NCOA3: variants seen among roughly 807,000 people sequenced by gnomAD.
NCOA3 encodes CBP-interacting protein.
NCOA3 carries 51 observed loss-of-function variants against 158.8 expected under a neutral mutation model. The ratio of observed to expected loss-of-function variants is 0.32; its 90% confidence interval spans 0.26 to 0.41. NCOA3 has a LOEUF of 0.41. NCOA3 is among the 10% of genes least tolerant of loss of function. The pLI is 1.00. For synonymous variants in NCOA3, 537 were observed against 592.4 expected (o/e 0.91, Z 1.36); for missense variants, 1,510 against 1,746.6 (o/e 0.86, Z 2.41).
rs897086940 is a variant in NCOA3, at chr20:47,656,121, C to T, written c.*2704C>T. On this transcript the variant is annotated 3_prime_UTR_variant, in exon 23 of 23. Coordinates refer to ENST00000371998, the MANE Select transcript of NCOA3 (RefSeq NM_181659.3). ...TTTAGAATGTGGGATATTTCCAGTA[C>T]CTACTTTTTTTTTTTTTTTTTGCTG... The T allele has an allele frequency of 1.4e-5, 2 of 142,320 alleles. No individual in the cohort carries two copies. Among genetic ancestry groups the T allele is most frequent in the Non-Finnish European group, 3.0e-5 (2 of 65,700 alleles). The allele number at this position is 142,320 out of a possible 1,614,324, so 8.8% of individuals were successfully genotyped here.
chr20:47,619,578 G>A (rs1310441721), intron 2 of NCOA3, among the ~76,000 whole-genome samples: 1 of 150,456 alleles, frequency 6.6e-6, no homozygotes, highest in Non-Finnish European at 1.5e-5. Context: ...CTGGGAAGCC[G>A]AGGTTACAGT....
intron 1 of NCOA3, among the ~76,000 whole-genome samples, chr20:47,505,910 T>G (rs1049348638): frequency 2.6e-5 from 4 of 151,086 alleles, no homozygotes; most frequent in Non-Finnish European, 5.9e-5. Context: ...CAAGCGATTC[T>G]CGTGCTTCAG....
intron 1 of NCOA3, among the ~76,000 whole-genome samples, chr20:47,527,448 ATGT>A (rs2084474934): frequency 6.6e-6 from 1 of 152,044 alleles, no homozygotes; most frequent in East Asian, 1.9e-4. Flanking sequence ...AGATTCATTC[ATGT>A]TGTTGCATAT....
At chr20:47,503,998 G>A (rs1485350481) in intron 1 of NCOA3, among the ~76,000 whole-genome samples, 2 of 152,178 alleles carry the variant, frequency 1.3e-5, no homozygotes, top group Admixed American at 6.5e-5. Flanking sequence ...TGTGGACTAA[G>A]CGGGAGGCTG....
intron 2 of NCOA3, among the ~76,000 whole-genome samples, chr20:47,609,785 A>G (rs1326526566): frequency 1.3e-5 from 2 of 152,198 alleles, no homozygotes; most frequent in African/African-American, 2.4e-5. Context: ...CAACAAAGAA[A>G]AAACCAAGCT....
At chr20:47,603,911 A>G (rs1260194276) in intron 2 of NCOA3, among the ~76,000 whole-genome samples, 4 of 152,126 alleles carry the variant, frequency 2.6e-5, no homozygotes, top group Non-Finnish European at 5.9e-5. Flanking sequence ...AGGCATGAAA[A>G]CAGGAATGTT....
At chr20:47,599,550 T>G (rs2146257314) in intron 2 of NCOA3, among the ~76,000 whole-genome samples, 1 of 152,328 alleles carries the variant, frequency 6.6e-6, no homozygotes, top group African/African-American at 2.4e-5. Context: ...AATATCTCAG[T>G]AAAGCTGTTA....
intron 1 of NCOA3, among the ~76,000 whole-genome samples, chr20:47,521,770 CAT>C (rs1178556097): frequency 2.0e-5 from 3 of 152,196 alleles, no homozygotes; most frequent in African/African-American, 7.2e-5. Flanking sequence ...ATTTAGAACT[CAT>C]ATCCAACACT....
At chr20:47,594,695 AGAG>A (rs1202474541) in intron 2 of NCOA3, among the ~76,000 whole-genome samples, 1 of 139,286 alleles carries the variant, frequency 7.2e-6, no homozygotes. Context: ...AAAAAAAAAA[AGAG>A]AAGATGAAAG....
chr20:47,639,733 G>A lies in NCOA3; in HGVS notation c.2864G>A (p.Gly955Asp), dbSNP rs2086573270. Residue 955 changes from glycine (G) to aspartate (D), a missense_variant, in exon 15 of 23, where the codon GGT becomes GAT. Around this residue, in one of 4 missense-constraint regions of NCOA3, gnomAD observed 1,017 missense variants for 1,098.3 expected, o/e 0.93. Transcript: ENST00000371998. ...ACTTCTTTACCCAGACCTGCACTGGGTGGCTCTATTCCCACATTGCCTCTT... is the reference window on the plus strand; with the variant it reads ...ACTTCTTTACCCAGACCTGCACTGGATGGCTCTATTCCCACATTGCCTCTT... The part of the protein sequence containing the change: ...YNTSLPRPAL[G>D]GSIPTLPLRS... 1.9e-6 allele frequency: 3 copies of A among 1,614,162 alleles called. 1 individual carries two copies. In the South Asian group the frequency reaches 3.3e-5, roughly 18 times the overall value.
At chr20:47,525,669 C>T (rs1482623133) in intron 1 of NCOA3, among the ~76,000 whole-genome samples, 1 of 139,632 alleles carries the variant, frequency 7.2e-6, no homozygotes, top group Non-Finnish European at 1.6e-5. Flanking sequence ...GGGGCTGACC[C>T]CCCCCACCTC....
intron 1 of NCOA3, among the ~76,000 whole-genome samples, chr20:47,550,695 G>T (rs914056935): frequency 6.6e-6 from 1 of 152,078 alleles, no homozygotes; most frequent in African/African-American, 2.4e-5. Context: ...TATACTGAAA[G>T]AATTGAATGA....
intron 1 of NCOA3, among the ~76,000 whole-genome samples, chr20:47,568,825 C>T (rs1602415615): frequency 1.3e-5 from 2 of 152,092 alleles, no homozygotes; most frequent in South Asian, 4.2e-4. Flanking sequence ...CTAAAAAATG[C>T]TGATTGATCA....
At chr20:47,522,511 T>C (rs1222039374) in intron 1 of NCOA3, among the ~76,000 whole-genome samples, 2 of 149,230 alleles carry the variant, frequency 1.3e-5, no homozygotes, top group Non-Finnish European at 3.0e-5. Context: ...GGAGGGGGGC[T>C]CCAAAACCAA....
At chr20:47,519,877 T>C (rs1332905279) in intron 1 of NCOA3, among the ~76,000 whole-genome samples, 1 of 151,918 alleles carries the variant, frequency 6.6e-6, no homozygotes, top group Admixed American at 6.6e-5. Flanking sequence ...TTCTCCTGCC[T>C]CAGCCTCCCA....
At chr20:47,610,994 C>T (rs1322789354) in intron 2 of NCOA3, among the ~76,000 whole-genome samples, 2 of 152,122 alleles carry the variant, frequency 1.3e-5, no homozygotes, top group African/African-American at 4.8e-5. Context: ...ACCATGGTTA[C>T]CATTCCCCCT....
chr20:47,539,704 A>G (rs2084691399), intron 1 of NCOA3, among the ~76,000 whole-genome samples: 1 of 152,218 alleles, frequency 6.6e-6, no homozygotes, highest in African/African-American at 2.4e-5. Flanking sequence ...AGATACCATC[A>G]ATTATAGAAC....
chr20:47,547,882 A>ATTATT (rs922251633), intron 1 of NCOA3, among the ~76,000 whole-genome samples: 2 of 151,600 alleles, frequency 1.3e-5, no homozygotes, highest in Admixed American at 6.6e-5. Context: ...CCCCCTGCTA[A>ATTATT]TTATTTTATT....
intron 1 of NCOA3, among the ~76,000 whole-genome samples, chr20:47,558,227 T>G (rs529395861): frequency 2.9e-5 from 4 of 138,400 alleles, no homozygotes; most frequent in African/African-American, 8.3e-5. Flanking sequence ...CCCAGCTAAT[T>G]TTGTATTTTT....
Sources: gnomAD v4.1 joint callset for allele counts (sites outside exome capture counted in the v4.1 genomes callset) on GRCh38, gnomAD v4.1.1 for gene constraint, gnomAD v4.1.1 regional missense constraint, MANE v1.5 for transcripts, NCBI Gene and HGNC (gene_info 2026-07-23, HGNC 2026-07-21) for gene names.